Variants in LARP1 observed in about 807,000 individuals in gnomAD.
LARP1 encodes the protein la-related protein 1.
LARP1 carries 36 observed loss-of-function variants against 122.7 expected under a neutral mutation model. The observed-to-expected ratio is 0.29, with a 90% CI of 0.22 to 0.39. The LOEUF (loss-of-function observed/expected upper bound fraction) is 0.39. LARP1 is among the 10% of genes least tolerant of loss of function. LARP1 has a pLI of 1.00. For synonymous variants in LARP1, 539 were observed against 528.7 expected (o/e 1.02, Z -0.27); for missense variants, 1,040 against 1,403.6 (o/e 0.74, Z 4.14).
upstream of LARP1, among the ~76,000 whole-genome samples, chr5:154,754,571 A>G (rs1228089625): frequency 1.3e-5 from 2 of 152,272 alleles, no homozygotes; most frequent in Non-Finnish European, 2.9e-5. Context: ...GCCCATAAAT[A>G]CAAGGTTTCG....
At chr5:154,683,894 C>T (rs1328593672) in intron 1 of LARP1, among the ~76,000 whole-genome samples, 2 of 152,150 alleles carry the variant, frequency 1.3e-5, no homozygotes, top group Admixed American at 6.5e-5. Flanking sequence ...TACAGCACCT[C>T]GTCTTTGGAG....
rs1386872045 is a variant in LARP1 at position 154,686,009 on chromosome 5, A to G, written c.-180+2972A>G. On this transcript the variant is annotated intron_variant, in intron 1 of 18. Transcript: ENST00000687700. ...CCCCATAAAACTCATCACAATTGGG[A>G]TTAGGTATCTAGGGAGTTATTTATT... The G allele has an allele frequency of 6.5e-6, 3 of 458,568 alleles. No individual in the cohort carries two copies. The Admixed American group carries it at 8.5e-5, about 13-fold the overall frequency. 28.4% of individuals were successfully genotyped at this position (458,568 alleles called of 1,614,324 possible).
intron 1 of LARP1, among the ~76,000 whole-genome samples, chr5:154,769,470 C>T (rs1755225402): frequency 6.6e-6 from 1 of 152,220 alleles, no homozygotes; most frequent in South Asian, 2.1e-4. Flanking sequence ...CGGTGGGGGA[C>T]GTGGGGACGA....
intron 1 of LARP1, among the ~76,000 whole-genome samples, chr5:154,777,191 T>C (rs1244368170): frequency 6.6e-6 from 1 of 152,122 alleles, no homozygotes; most frequent in Non-Finnish European, 1.5e-5. Flanking sequence ...TAAGTATTTG[T>C]GTATCTAAAC....
At chr5:154,722,438 G>C (rs1755929355) in intron 1 of LARP1, among the ~76,000 whole-genome samples, 1 of 152,136 alleles carries the variant, frequency 6.6e-6, no homozygotes, top group African/African-American at 2.4e-5. Flanking sequence ...CAGGAGTTCT[G>C]TTGATAGGTT....
chr5:154,707,082 G>A (rs1754987200), intron 1 of LARP1, among the ~76,000 whole-genome samples: 1 of 152,030 alleles, frequency 6.6e-6, no homozygotes, highest in Non-Finnish European at 1.5e-5. Context: ...TATATATCCA[G>A]TCATAGAGTT....
intron 1 of LARP1, among the ~76,000 whole-genome samples, chr5:154,724,491 C>T (rs1164126530): frequency 6.6e-6 from 1 of 152,130 alleles, no homozygotes; most frequent in African/African-American, 2.4e-5. Flanking sequence ...AGCTGTTATC[C>T]ATTTGTTTAA....
chr5:154,804,356 T>A (rs528584046), intron 14 of LARP1, 49 bp downstream of exon 14: 1 of 1,314,018 alleles, frequency 7.6e-7, no homozygotes, highest in African/African-American at 1.5e-5. Flanking sequence ...ATGGGATGGG[T>A]GGGCGAGCCA....
chr5:154,746,596 A>G (rs1003369843), intron 1 of LARP1, among the ~76,000 whole-genome samples: 1 of 152,176 alleles, frequency 6.6e-6, no homozygotes, highest in Non-Finnish European at 1.5e-5. Flanking sequence ...CCCTGGAGCA[A>G]GTCACTTAAC....
rs368269670 is a variant in LARP1 at position 154,706,467 on chromosome 5, A to AT, written c.-180+23431dup. The stretch of plus-strand genomic sequence containing the variant: ...AGTTAATACAGAAACAGAAAACCAA[A>AT]TAACCACATGTTCTCACTTGTAAGT... On this transcript the variant is annotated intron_variant, in intron 1 of 18. Transcript: ENST00000687700. Among the ~76,000 whole-genome samples the AT allele has an allele frequency of 1.6e-3, 239 of 152,186 alleles. 1 individual carries two copies. The highest frequency in any genetic ancestry group is 5.3e-3 in the African/African-American group (220 of 41,552).
At chr5:154,737,436 C>CTTTTTTTTTTTTTTT (rs10526758) in intron 1 of LARP1, among the ~76,000 whole-genome samples, 1 of 95,302 alleles carries the variant, frequency 1.0e-5, no homozygotes, top group Non-Finnish European at 2.0e-5. Flanking sequence ...GAATTTTTCT[C>CTTTTTTTTTTTTTTT]TTTTTTTTTT....
At position 154,756,190 on chromosome 5, in the gene LARP1, C is replaced by G. The variant is rs1753874540; in HGVS notation, c.433C>G (p.Pro145Ala). Reference protein sequence around the residue: ...VLTTVNGQSPPEHSAPAKVVR... With the variant: ...VLTTVNGQSPAEHSAPAKVVR... ...GACCACCGTGAACGGACAGTCCCCC[C>G]CAGGTGGGTCTCCCTCCTTGCCCTC... Residue 145 changes from proline (P) to alanine (A), a missense_variant, in exon 1 of 19, where the codon CCA (proline) becomes GCA (alanine). This residue lies in a region of LARP1 where 257 missense variants were observed against 273.3 expected (regional missense o/e 0.94). Transcript: ENST00000518297. The G allele has an allele frequency of 7.7e-7, 1 of 1,294,898 alleles. No individual in the cohort carries two copies. Among genetic ancestry groups the G allele is most frequent in the Non-Finnish European group, 1.0e-6 (1 of 988,624 alleles). The allele number at this position is 1,294,898 out of a possible 1,614,324, so 80.2% of individuals were successfully genotyped here.
intron 8 of LARP1, among the ~76,000 whole-genome samples, chr5:154,796,168 T>TTATATATTATATATATATTTTATATA (rs1757831178): frequency 7.7e-6 from 1 of 129,780 alleles, no homozygotes; most frequent in African/African-American, 2.9e-5. Flanking sequence ...TTTTATGTAT[T>TTATATATTATATATATATTTTATATA]TATATATTAT....
At chr5:154,801,214 C>T (rs1000404924) in intron 10 of LARP1, among the ~76,000 whole-genome samples, 6 of 152,156 alleles carry the variant, frequency 3.9e-5, no homozygotes, top group Admixed American at 2.6e-4. Flanking sequence ...CTGAAGGCAC[C>T]GTGTTTTCTC....
chr5:154,801,651 T>A (rs1758362518), intron 10 of LARP1, among the ~76,000 whole-genome samples: 1 of 152,180 alleles, frequency 6.6e-6, no homozygotes. Flanking sequence ...AATAGATGGA[T>A]AAGTGGATGA....
chr5:154,690,574 TCGG>T (rs1754144570), intron 1 of LARP1, among the ~76,000 whole-genome samples: 2 of 152,120 alleles, frequency 1.3e-5, no homozygotes, highest in African/African-American at 4.8e-5. Context: ...AGACTTGAAC[TCGG>T]TCCGCCCGGC....
chr5:154,691,411 C>G (rs1383379820), intron 1 of LARP1, among the ~76,000 whole-genome samples: 2 of 152,260 alleles, frequency 1.3e-5, no homozygotes, highest in African/African-American at 4.8e-5. Flanking sequence ...GCCCTTTCCC[C>G]CGTCTCTGCA....
At chr5:154,813,459 G>A (rs78437935) in intron 18 of LARP1, among the ~76,000 whole-genome samples, 1 of 152,330 alleles carries the variant, frequency 6.6e-6, no homozygotes, top group African/African-American at 2.4e-5. Flanking sequence ...GAGCTGAGAC[G>A]TCGCAGCATA....
intron 8 of LARP1, among the ~76,000 whole-genome samples, chr5:154,799,301 A>G (rs1403802092): frequency 2.0e-5 from 3 of 152,168 alleles, no homozygotes; most frequent in Non-Finnish European, 4.4e-5. Flanking sequence ...TTGTCCAGAT[A>G]TTATACATAC....
Sources: allele counts gnomAD v4.1 joint callset (sites outside exome capture counted in the v4.1 genomes callset), GRCh38; gene constraint gnomAD v4.1.1; regional missense constraint gnomAD v4.1.1; transcripts MANE v1.5; gene names NCBI Gene and HGNC (gene_info 2026-07-23, HGNC 2026-07-21).